The following AIG1 variants were observed in gnomAD, a reference collection of about 807,000 sequenced individuals.
AIG1 encodes androgen induced 1.
AIG1 carries 23 observed loss-of-function variants against 31.4 expected under a neutral mutation model. That is an observed-to-expected ratio of 0.73 (90% CI 0.53 to 1.04). The LOEUF (loss-of-function observed/expected upper bound fraction) is 1.04. Ranked by LOEUF, AIG1 falls within the 50% of genes least tolerant of loss-of-function variation. The probability of loss-of-function intolerance (pLI) is 0.00; values close to 1 mark genes in which losing one functional copy is unlikely to be tolerated. For synonymous variants in AIG1, 100 were observed against 110.5 expected (o/e 0.90, Z 0.60); for missense variants, 274 against 295.0 (o/e 0.93, Z 0.52).
At chr6:143,265,198 C>T (rs1408556505) in intron 3 of AIG1, among the ~76,000 whole-genome samples, 5 of 152,004 alleles carry the variant, frequency 3.3e-5, no homozygotes, top group African/African-American at 7.2e-5. Context: ...TTGTGGATAA[C>T]GAGGAGGAAA....
chr6:143,067,753 G>A (rs1371202242), intron 1 of AIG1, among the ~76,000 whole-genome samples: 2 of 152,164 alleles, frequency 1.3e-5, no homozygotes, highest in African/African-American at 4.8e-5. Flanking sequence ...ACATTGCCAC[G>A]TGAAGGCCAG....
intron 2 of AIG1, among the ~76,000 whole-genome samples, chr6:143,138,431 C>A (rs1783945581): frequency 6.6e-6 from 1 of 152,104 alleles, no homozygotes; most frequent in African/African-American, 2.4e-5. Flanking sequence ...CTCAGTCTCT[C>A]TGTGTGTACA....
At chr6:143,211,447 CCA>C (rs1791582052) in intron 3 of AIG1, among the ~76,000 whole-genome samples, 2 of 152,192 alleles carry the variant, frequency 1.3e-5, no homozygotes, top group Non-Finnish European at 2.9e-5. Flanking sequence ...TTTGCAGGAA[CCA>C]CAGAGCCCCA....
chr6:143,333,626 T>G lies in AIG1; in HGVS notation c.679+181T>G, dbSNP rs749073203. Among the ~76,000 whole-genome samples the G allele has an allele frequency of 1.9e-4, 29 of 152,096 alleles. No homozygotes were observed. The highest frequency in any genetic ancestry group is 2.4e-4 in the Non-Finnish European group (16 of 68,010). On this transcript the variant is annotated intron_variant, in intron 5 of 5. Coordinates refer to ENST00000357847, the MANE Select transcript of AIG1 (RefSeq NM_016108.4). The surrounding 1 kb of genome is among the most constrained non-coding windows in gnomAD (Gnocchi z 4.6). ...AGAGCTGCTGACAGTTACCTGAAAG[T>G]TTTACTAGTCACTTGGTCTTGTTAG...
intron 1 of AIG1, among the ~76,000 whole-genome samples, chr6:143,071,190 G>C (rs1020545847): frequency 6.6e-6 from 1 of 152,086 alleles, no homozygotes; most frequent in African/African-American, 2.4e-5. Context: ...CCATACATAT[G>C]TGACTTCTGG....
chr6:143,308,261 C>T (rs1774955349), intron 4 of AIG1, among the ~76,000 whole-genome samples: 1 of 152,212 alleles, frequency 6.6e-6, no homozygotes, highest in African/African-American at 2.4e-5. Flanking sequence ...GAACCTGGTA[C>T]CTCAGATGGA....
At chr6:143,217,269 G>A (rs921693506) in intron 3 of AIG1, among the ~76,000 whole-genome samples, 4 of 152,012 alleles carry the variant, frequency 2.6e-5, no homozygotes, top group African/African-American at 7.3e-5. Flanking sequence ...ATGATGTTCA[G>A]GGTCAGTTTC....
At chr6:143,200,684 A>G (rs1368032676) in intron 3 of AIG1, among the ~76,000 whole-genome samples, 1 of 152,046 alleles carries the variant, frequency 6.6e-6, no homozygotes, top group Non-Finnish European at 1.5e-5. Context: ...TGCTTGACCT[A>G]TCAGGCAAGT....
intron 3 of AIG1, among the ~76,000 whole-genome samples, chr6:143,242,343 A>G (rs1233673497): frequency 6.6e-6 from 1 of 152,164 alleles, no homozygotes; most frequent in Non-Finnish European, 1.5e-5. Context: ...GGACGTGATA[A>G]CCCTTCTATA....
intron 1 of AIG1, among the ~76,000 whole-genome samples, chr6:143,063,503 A>G (rs915492811): frequency 1.3e-5 from 2 of 152,210 alleles, no homozygotes; most frequent in African/African-American, 4.8e-5. Context: ...TTAGAGCTTA[A>G]GCATTGTACA....
Position 143,258,028 on chromosome 6 carries a change from A to G in AIG1, c.400-26082A>G, listed in dbSNP as rs1017741019. Among the ~76,000 whole-genome samples, 1 of 152,178 alleles carries G rather than the reference A, an allele frequency of 6.6e-6. No homozygotes were observed. Among genetic ancestry groups the G allele is most frequent in the African/African-American group, 2.4e-5 (1 of 41,446 alleles). ...AGAGGAGGAAGGGAAAGGAACAGAA[A>G]CTAATAACTACTGAATGCCTGTTAT... is the stretch of plus-strand genomic sequence containing the variant. On this transcript the variant is annotated intron_variant, in intron 3 of 5. Coordinates refer to ENST00000357847, the MANE Select transcript of AIG1 (RefSeq NM_016108.4). This position sits in a 1 kb window ranked among gnomAD's most constrained non-coding sequence, Gnocchi z 4.7.
intron 2 of AIG1, among the ~76,000 whole-genome samples, chr6:143,160,601 G>A (rs766686349): frequency 6.6e-5 from 10 of 152,358 alleles, no homozygotes; most frequent in Admixed American, 1.3e-4. Flanking sequence ...CCTGGCCAGA[G>A]AAGGTGCTTC....
In AIG1 at chr6:143,089,836, G is replaced by A. The variant is rs150388931; in HGVS notation, c.141+28770G>A. 3.6e-3 allele frequency among the ~76,000 whole-genome samples: 555 copies of A among 152,264 alleles called. 5 individuals are homozygous for A. The highest frequency in any genetic ancestry group is 0.013 in the African/African-American group (521 of 41,542). Reference sequence around the variant, plus strand: ...AGAGAGGGGATTTACCTATTCCTGAGTGATCCACCCCCATAACTCAATCAA... The same window carrying A: ...AGAGAGGGGATTTACCTATTCCTGAATGATCCACCCCCATAACTCAATCAA... On this transcript the variant is annotated intron_variant, in intron 1 of 5. Transcript: ENST00000357847.
intron 2 of AIG1, among the ~76,000 whole-genome samples, chr6:143,157,301 C>G (rs1212880871): frequency 6.6e-6 from 1 of 152,244 alleles, no homozygotes; most frequent in Non-Finnish European, 1.5e-5. Flanking sequence ...ATTTCCTCCA[C>G]CACATTGTGT....
intron 3 of AIG1, among the ~76,000 whole-genome samples, chr6:143,180,388 G>T (rs1471060189): frequency 6.6e-6 from 1 of 152,164 alleles, no homozygotes; most frequent in Non-Finnish European, 1.5e-5. Flanking sequence ...TCCCCAAAGG[G>T]CCATTTTCAG....
chr6:143,276,183 CAT>C (rs1796887345), intron 3 of AIG1, among the ~76,000 whole-genome samples: 2 of 152,204 alleles, frequency 1.3e-5, no homozygotes, highest in Non-Finnish European at 1.5e-5. Flanking sequence ...GTTCCTATGA[CAT>C]ATAGTTGCTC....
chr6:143,133,396 T>C (rs1387173238), intron 1 of AIG1, among the ~76,000 whole-genome samples: 1 of 152,112 alleles, frequency 6.6e-6, no homozygotes, highest in South Asian at 2.1e-4. Context: ...AATACATCTC[T>C]ATCCTGAATG....
At position 143,333,428 on chromosome 6, in the gene AIG1, T is replaced by C. The variant is rs373752134; in HGVS notation, c.662T>C (p.Ile221Thr). 1 of 1,612,720 alleles carries C rather than the reference T, an allele frequency of 6.2e-7. No homozygotes were observed. The highest frequency in any genetic ancestry group is 8.5e-7 in the Non-Finnish European group (1 of 1,179,714). Residue 221 changes from isoleucine to threonine, a missense_variant, in exon 5 of 6, where the codon ATC becomes ACC. By Grantham distance (89) the Ile-to-Thr change is moderately conservative. Coordinates refer to ENST00000357847, the MANE Select transcript of AIG1 (RefSeq NM_016108.4). This position sits in a 1 kb window ranked among gnomAD's most constrained non-coding sequence, Gnocchi z 4.6. ...CTGGGAGAAGTTCTGAACAACTATA[T>C]CTGGGATACACAGAAAAGTAAGTAT... The part of the protein sequence containing the change: ...YLLGEVLNNY[I>T]WDTQKSMEEE...
intron 1 of AIG1, among the ~76,000 whole-genome samples, chr6:143,136,279 A>G (rs375379820): frequency 2.6e-5 from 4 of 152,172 alleles, no homozygotes; most frequent in Admixed American, 2.0e-4. Flanking sequence ...CGATTTTTTT[A>G]TGACTCAAGG....
Sources: gnomAD v4.1 joint callset for allele counts (sites outside exome capture counted in the v4.1 genomes callset) on GRCh38, gnomAD v4.1.1 for gene constraint, Gnocchi (gnomAD v3.1) non-coding constraint, MANE v1.5 for transcripts, NCBI Gene and HGNC (gene_info 2026-07-23, HGNC 2026-07-21) for gene names.